Variants in RASA2 observed in about 807,000 individuals in gnomAD.
The protein encoded by RASA2 is RAS p21 protein activator 2, also known as ras GTPase-activating protein 2.
Under a neutral mutation model 118.2 loss-of-function variants are expected in RASA2, and 155 were observed. That is an observed-to-expected ratio of 1.31 (90% confidence interval 1.15 to 1.50). The LOEUF (loss-of-function observed/expected upper bound fraction) is 1.50. Among genes scored for constraint, RASA2 ranks in the 40% most tolerant of loss-of-function variants. The pLI, the probability that RASA2 is intolerant of heterozygous loss-of-function variation, is 0.00. For missense variants in RASA2, 1,016 were observed against 1,009.6 expected, an observed-to-expected ratio of 1.01 and a Z score of -0.09; for synonymous variants, 353 against 349.1, an observed-to-expected ratio of 1.01 and a Z score of -0.12.
At chr3:141,594,803 G>A (rs1340543887) in intron 19 of RASA2, among the ~76,000 whole-genome samples, 1 of 151,726 alleles carries the variant, frequency 6.6e-6, no homozygotes, top group East Asian at 1.9e-4. Context: ...AATACCAGAT[G>A]GAAACTTAGA....
rs111987761 is a variant in RASA2 at position 141,573,064 on chromosome 3, C to T, written c.1285-83C>T. The T allele has an allele frequency of 7.0e-4, 838 of 1,198,646 alleles. 5 individuals carry two copies. In the African/African-American group the frequency reaches 0.011, roughly 16 times the overall value. The allele number at this position is 1,198,646 out of a possible 1,614,324, so 74.3% of individuals were successfully genotyped here. ...CTACAGTTTAAATTTCTATAATTAA[C>T]TTTTATTATCAGAAAAATAAGTTAT... is the stretch of plus-strand genomic sequence containing the variant. On this transcript the variant is annotated intron_variant, in intron 12 of 23. Coordinates refer to ENST00000286364, the MANE Select transcript of RASA2 (RefSeq NM_006506.5).
chr3:141,514,729 TC>T (rs2081998040), intron 2 of RASA2, among the ~76,000 whole-genome samples: 1 of 152,232 alleles, frequency 6.6e-6, no homozygotes, highest in Admixed American at 6.5e-5. Flanking sequence ...ATAAGAATGT[TC>T]ATAGCAGCTT....
chr3:141,500,023 A>G (rs1402176354), intron 1 of RASA2, among the ~76,000 whole-genome samples: 1 of 152,212 alleles, frequency 6.6e-6, no homozygotes, highest in African/African-American at 2.4e-5. Flanking sequence ...TAATTTATGC[A>G]TTGGAAAACT....
Position 141,487,201 on chromosome 3 carries a change from C to A in RASA2, c.118C>A (p.Leu40Met). 6.9e-7 allele frequency: 1 copy of A among 1,445,908 alleles called. No homozygotes were observed. Among genetic ancestry groups the A allele is most frequent in the Admixed American group, 2.3e-5 (1 of 44,302 alleles). 89.6% of individuals were successfully genotyped at this position (1,445,908 alleles called of 1,614,324 possible). A position where few individuals can be genotyped will look rare whatever the true frequency, so the allele number is the denominator to read the frequency against. Residue 40 changes from leucine to methionine, a missense_variant, in exon 1 of 24, where the codon CTG becomes ATG. Leu to Met is a conservative substitution (Grantham distance 15). Coordinates refer to ENST00000286364, the MANE Select transcript of RASA2 (RefSeq NM_006506.5). ...DSREVRVLQS[L>M]RGKICEAKNL... ...TCGCGAGGTTCGAGTGTTGCAGAGC[C>A]TGCGGGGCAAGATCTGTAAGCGGGG...
At chr3:141,572,815 T>C in intron 12 of RASA2, 92 bp downstream of exon 12, 1 of 1,023,240 alleles carries the variant, frequency 9.8e-7, no homozygotes, top group Non-Finnish European at 1.4e-6. Context: ...ATTTATTCAT[T>C]CATGTGTTAC....
At chr3:141,568,692 T>G (rs951789691) in intron 9 of RASA2, among the ~76,000 whole-genome samples, 2 of 152,038 alleles carry the variant, frequency 1.3e-5, no homozygotes, top group Non-Finnish European at 2.9e-5. Flanking sequence ...CACAGATTCT[T>G]TCTTAGTTCT....
intron 17 of RASA2, among the ~76,000 whole-genome samples, chr3:141,582,068 A>G (rs1408175243): frequency 1.3e-5 from 2 of 152,250 alleles, no homozygotes; most frequent in African/African-American, 4.8e-5. Flanking sequence ...TTTATGTATC[A>G]CAGTCTTAAC....
chr3:141,614,860 AG>A lies in RASA2; in HGVS notation c.*2549del, dbSNP rs1437266502. ...CGGGTAATGGGTAAGTGTGAAAACT[AG>A]GCTTTTTTTTATGAAACAAAAAAAG... On this transcript the variant is annotated 3_prime_UTR_variant, in exon 24 of 24. Coordinates refer to ENST00000286364, the MANE Select transcript of RASA2 (RefSeq NM_006506.5). 1 of 152,206 alleles carries A rather than the reference AG, an allele frequency of 6.6e-6. No individual in the cohort carries two copies. Among genetic ancestry groups the A allele is most frequent in the Admixed American group, 6.5e-5 (1 of 15,286 alleles). The allele number at this position is 152,206 out of a possible 1,614,324, so 9.4% of individuals were successfully genotyped here.
chr3:141,586,784 T>C, intron 19 of RASA2, 32 bp downstream of exon 19: 2 of 1,544,726 alleles, frequency 1.3e-6, no homozygotes, highest in Non-Finnish European at 1.8e-6. Context: ...TGTGGGGTTT[T>C]TCCTGGTTCT....
chr3:141,489,737 C>T (rs537834887), intron 1 of RASA2, among the ~76,000 whole-genome samples: 1 of 152,230 alleles, frequency 6.6e-6, no homozygotes, highest in Non-Finnish European at 1.5e-5. Context: ...CTTGAATGTT[C>T]AAGAGATAAT....
At chr3:141,550,573 A>T (rs2082559513) in intron 5 of RASA2, among the ~76,000 whole-genome samples, 1 of 152,276 alleles carries the variant, frequency 6.6e-6, no homozygotes, top group Admixed American at 6.5e-5. Context: ...GTTGATGAGT[A>T]TACAGAAACT....
At chr3:141,584,089 T>C (rs2083159119) in intron 17 of RASA2, among the ~76,000 whole-genome samples, 1 of 151,720 alleles carries the variant, frequency 6.6e-6, no homozygotes. Context: ...TCCCAGCACT[T>C]TGGGAGGCCG....
At chr3:141,576,598 A>T (rs1449605899) in intron 14 of RASA2, among the ~76,000 whole-genome samples, 2 of 152,052 alleles carry the variant, frequency 1.3e-5, no homozygotes, top group Non-Finnish European at 2.9e-5. Context: ...TTTGGGGGGG[A>T]TATTGAAACA....
intron 1 of RASA2, among the ~76,000 whole-genome samples, chr3:141,490,779 C>A (rs2081630995): frequency 6.6e-6 from 1 of 152,186 alleles, no homozygotes; most frequent in African/African-American, 2.4e-5. Flanking sequence ...TTTGAATCTT[C>A]ACCTAATTTC....
chr3:141,533,732 T>G (rs1057490276), intron 4 of RASA2, among the ~76,000 whole-genome samples: 2 of 152,142 alleles, frequency 1.3e-5, no homozygotes, highest in African/African-American at 4.8e-5. Flanking sequence ...ATGAGTGTAT[T>G]TTTCTACTTT....
At chr3:141,505,192 G>GGTATTTGTC (rs1201773099) in intron 1 of RASA2, among the ~76,000 whole-genome samples, 4 of 152,154 alleles carry the variant, frequency 2.6e-5, no homozygotes, top group Non-Finnish European at 5.9e-5. Context: ...AAGAGTTTGT[G>GGTATTTGTC]GTATTTGTCG....
chr3:141,580,978 G>A (rs1365214811), intron 16 of RASA2, 122 bp from the exon 17 acceptor site: 5 of 1,080,834 alleles, frequency 4.6e-6, no homozygotes, highest in East Asian at 3.3e-5. Flanking sequence ...TCCAAGCCCT[G>A]AACTCTCTGA....
chr3:141,571,556 TA>T lies in RASA2; in HGVS notation c.1169+4del. 1 of 1,596,814 alleles carries T rather than the reference TA, an allele frequency of 6.3e-7. No homozygotes were observed. Among genetic ancestry groups the T allele is most frequent in the Non-Finnish European group, 8.5e-7 (1 of 1,171,606 alleles). On this transcript the variant is annotated splice_donor_region_variant and intron_variant, in intron 11 of 23. Coordinates refer to ENST00000286364, the MANE Select transcript of RASA2 (RefSeq NM_006506.5). Reference sequence around the variant, plus strand: ...TGAATTAGACTTGAAGGATACACAGTAAGAGTTATATTTTATTAAATGTTAA... The same window carrying T: ...TGAATTAGACTTGAAGGATACACAGTAGAGTTATATTTTATTAAATGTTAA...
At chr3:141,571,109 G>A (rs770915791) in intron 10 of RASA2, 41 bp downstream of exon 10, 2 of 1,534,958 alleles carry the variant, frequency 1.3e-6, no homozygotes, top group African/African-American at 1.4e-5. Context: ...ACACGAAACG[G>A]CTAAAATAAT....
Sources: gnomAD v4.1 joint callset for allele counts (sites outside exome capture counted in the v4.1 genomes callset) on GRCh38, gnomAD v4.1.1 for gene constraint, MANE v1.5 for transcripts, NCBI Gene and HGNC (gene_info 2026-07-23, HGNC 2026-07-21) for gene names.